The following AFG2B variants were observed in gnomAD, a reference collection of about 807,000 sequenced individuals.
AFG2B encodes the protein ATPase family gene 2 protein homolog B.
chr15:45,418,448 A>G, the AFG2B span: 3 of 1,114,662 alleles, frequency 2.7e-6, no homozygotes, highest in Non-Finnish European at 3.7e-6. Context: ...CCCTATATAT[A>G]TTTTCTCGGT....
the AFG2B span, among the ~76,000 whole-genome samples, chr15:45,418,207 G>T: frequency 1.3e-5 from 2 of 151,950 alleles, no homozygotes; most frequent in Non-Finnish European, 2.9e-5. Context: ...AGCTGGATGT[G>T]GTGGCAGGCG....
At chr15:45,408,279 T>G in the AFG2B span, among the ~76,000 whole-genome samples, 1 of 152,208 alleles carries the variant, frequency 6.6e-6, no homozygotes. Flanking sequence ...CACTAAACCC[T>G]TTATCCAAAT....
the AFG2B span, among the ~76,000 whole-genome samples, chr15:45,413,096 G>C: frequency 6.6e-6 from 1 of 152,288 alleles, no homozygotes; most frequent in Non-Finnish European, 1.5e-5. Flanking sequence ...AGATGCATGA[G>C]AGAAATTAAC....
chr15:45,403,050 G>A, the AFG2B span: 3 of 1,556,910 alleles, frequency 1.9e-6, no homozygotes, highest in East Asian at 4.8e-5. Flanking sequence ...GTCTTTCGGA[G>A]GCGGCCGACT....
At chr15:45,421,272 C>A in the AFG2B span, 1 of 1,119,268 alleles carries the variant, frequency 8.9e-7, no homozygotes, top group Non-Finnish European at 1.2e-6. Flanking sequence ...CTGTCGTTTG[C>A]AACTTCACAC....
the AFG2B span, among the ~76,000 whole-genome samples, chr15:45,411,419 G>A: frequency 6.6e-6 from 1 of 152,168 alleles, no homozygotes; most frequent in Non-Finnish European, 1.5e-5. Context: ...GGCTCAAGCA[G>A]TCCTTCTGCC....
At chr15:45,402,357 C>G in the AFG2B span, 30 of 1,542,346 alleles carry the variant, frequency 1.9e-5, no homozygotes, top group Middle Eastern at 1.7e-4. Context: ...GGCCTGCGAG[C>G]TCGGTGTTCC....
chr15:45,402,537 C>G, the AFG2B span: 2 of 1,597,044 alleles, frequency 1.3e-6, no homozygotes, highest in Non-Finnish European at 1.7e-6. Flanking sequence ...CGGCCGCCCT[C>G]CACGCCCTGG....
the AFG2B span, among the ~76,000 whole-genome samples, chr15:45,409,706 A>T: frequency 0.14 from 20,914 of 151,620 alleles, 4,735 homozygotes; most frequent in African/African-American, 0.48. Flanking sequence ...ACAAAAAAAA[A>T]ATATATATAT....
chr15:45,419,991 C>G, the AFG2B span, among the ~76,000 whole-genome samples: 3 of 98,402 alleles, frequency 3.0e-5, no homozygotes, highest in African/African-American at 5.2e-5. Flanking sequence ...CTCTGTCCCC[C>G]CCCCCCAAAA....
chr15:45,415,920 T>C, the AFG2B span: 3 of 816,716 alleles, frequency 3.7e-6, no homozygotes, highest in Non-Finnish European at 5.4e-6. Context: ...TTATATAATT[T>C]CAGTTTGACT....
chr15:45,414,768 A>T, the AFG2B span: 2 of 1,614,020 alleles, frequency 1.2e-6, no homozygotes, highest in South Asian at 2.2e-5. Flanking sequence ...ATTCAGAAAA[A>T]GTGTTGTCTC....
At chr15:45,415,878 T>G in the AFG2B span, 7 of 1,130,306 alleles carry the variant, frequency 6.2e-6, no homozygotes, top group East Asian at 1.8e-4. Flanking sequence ...TGCTATAGCT[T>G]TACCTATGCT....
chr15:45,404,923 A>G, the AFG2B span, among the ~76,000 whole-genome samples: 5 of 152,062 alleles, frequency 3.3e-5, no homozygotes, highest in African/African-American at 1.2e-4. Context: ...ATAATTGTGC[A>G]TGTTTTGGGG....
the AFG2B span, chr15:45,402,543 C>T: frequency 4.4e-6 from 7 of 1,593,390 alleles, no homozygotes; most frequent in Non-Finnish European, 6.0e-6. Flanking sequence ...CCCTCCACGC[C>T]CTGGGCGCGC....
the AFG2B span, among the ~76,000 whole-genome samples, chr15:45,404,562 T>G: frequency 6.6e-6 from 1 of 152,100 alleles, no homozygotes; most frequent in African/African-American, 2.4e-5. Context: ...ATCTCAATAC[T>G]TTGGGAGGCT....
the AFG2B span, among the ~76,000 whole-genome samples, chr15:45,409,736 G>A: frequency 6.6e-6 from 1 of 152,030 alleles, no homozygotes; most frequent in African/African-American, 2.4e-5. Flanking sequence ...TAGCCAGGCT[G>A]GTGGCACATA....
chr15:45,419,452 ACT>A, the AFG2B span, among the ~76,000 whole-genome samples: 24 of 150,210 alleles, frequency 1.6e-4, no homozygotes, highest in African/African-American at 5.4e-4. Flanking sequence ...ACAGAGTGAG[ACT>A]CTGTCTCTTA....
At chr15:45,402,924 C>G in the AFG2B span, 1 of 1,597,952 alleles carries the variant, frequency 6.3e-7, no homozygotes, top group African/African-American at 1.3e-5. Context: ...CCTTGCACAT[C>G]GTCGGCGGGA....
Sources: gnomAD v4.1 joint callset for allele counts (sites outside exome capture counted in the v4.1 genomes callset) on GRCh38, gnomAD v4.1.1 for gene constraint, MANE v1.5 for transcripts, NCBI Gene and HGNC (gene_info 2026-07-23, HGNC 2026-07-21) for gene names.